Variants in ANO4 observed in about 807,000 individuals in gnomAD.
ANO4 encodes the protein anoctamin-4.
ANO4 carries 69 observed loss-of-function variants against 141.9 expected under a neutral mutation model. The ratio of observed to expected loss-of-function variants is 0.49; its 90% CI spans 0.40 to 0.59. ANO4 has a LOEUF of 0.59. Ranked by LOEUF, ANO4 falls within the 20% of genes least tolerant of loss-of-function variation. The pLI is 0.00. For missense variants in ANO4, 894 were observed against 1,162.2 expected (o/e 0.77, Z 3.36); for synonymous variants, 350 against 394.3 (o/e 0.89, Z 1.33).
At chr12:100,831,881 C>G (rs756968683) in intron 1 of ANO4, among the ~76,000 whole-genome samples, 1 of 152,024 alleles carries the variant, frequency 6.6e-6, no homozygotes, top group Non-Finnish European at 1.5e-5. Flanking sequence ...AAATTCCAGA[C>G]TCTTCTGATT....
At chr12:100,927,584 G>A (rs1402852408) in intron 3 of ANO4, among the ~76,000 whole-genome samples, 1 of 152,098 alleles carries the variant, frequency 6.6e-6, no homozygotes, top group Non-Finnish European at 1.5e-5. Flanking sequence ...CATGAATCAG[G>A]TGTATGTGTG....
intron 1 of ANO4, among the ~76,000 whole-genome samples, chr12:100,846,156 C>T (rs561605040): frequency 1.3e-5 from 2 of 152,290 alleles, no homozygotes; most frequent in South Asian, 4.2e-4. Context: ...ATAGAAATCC[C>T]TTGATCAGTG....
chr12:100,739,543 G>A (rs183367811), intron 2 of ANO4, among the ~76,000 whole-genome samples: 1 of 152,196 alleles, frequency 6.6e-6, no homozygotes, highest in East Asian at 1.9e-4. Flanking sequence ...GATCAGTTCT[G>A]CAGTTTCTAT....
intron 1 of ANO4, among the ~76,000 whole-genome samples, chr12:100,894,483 A>AGG (rs2040246215): frequency 6.6e-6 from 1 of 151,964 alleles, no homozygotes; most frequent in Non-Finnish European, 1.5e-5. Flanking sequence ...GCCCCTCCAA[A>AGG]CCTGTTTTCT....
intron 1 of ANO4, chr12:100,842,061 A>ACCCCCCCC: frequency 1.9e-5 from 1 of 51,308 alleles, no homozygotes; most frequent in Non-Finnish European, 3.8e-5. Flanking sequence ...GTAAATATCC[A>ACCCCCCCC]CCCCCCCCCC....
chr12:101,097,748 GC>G, intron 20 of ANO4, 40 bp downstream of exon 20: 1 of 1,610,204 alleles, frequency 6.2e-7, no homozygotes, highest in Non-Finnish European at 8.5e-7. Context: ...CGACAGACTT[GC>G]ATTAAACAGC....
intron 8 of ANO4, among the ~76,000 whole-genome samples, chr12:100,993,222 G>A (rs1197934296): frequency 1.3e-5 from 2 of 152,130 alleles, no homozygotes; most frequent in African/African-American, 4.8e-5. Flanking sequence ...AAACAGCCTA[G>A]CATTCCATTT....
chr12:100,885,195 A>C (rs1473639288), intron 1 of ANO4, among the ~76,000 whole-genome samples: 2 of 152,248 alleles, frequency 1.3e-5, no homozygotes, highest in African/African-American at 4.8e-5. Context: ...TTAAATCTGC[A>C]AAGTCCCTGT....
intron 1 of ANO4, among the ~76,000 whole-genome samples, chr12:100,803,065 C>T (rs768267660): frequency 1.8e-4 from 27 of 152,224 alleles, no homozygotes; most frequent in Non-Finnish European, 2.9e-4. Context: ...AAAAGTACTA[C>T]GGACATCAAA....
At chr12:100,740,665 G>A (rs1461822603) in intron 3 of ANO4, among the ~76,000 whole-genome samples, 1 of 152,004 alleles carries the variant, frequency 6.6e-6, no homozygotes, top group Non-Finnish European at 1.5e-5. Flanking sequence ...TCTATTTCAG[G>A]GGTCTGCAAA....
At chr12:101,080,900 T>TATATTATATATATATATATATATATACAC (rs1194122665) in intron 15 of ANO4, among the ~76,000 whole-genome samples, 26 of 131,028 alleles carry the variant, frequency 2.0e-4, no homozygotes, top group Admixed American at 1.3e-3. Context: ...TATATATATA[T>TATATTATATATATATATATATATATACAC]ACATACACAT....
chr12:100,858,584 T>C (rs1045535603), intron 1 of ANO4, among the ~76,000 whole-genome samples: 1 of 152,204 alleles, frequency 6.6e-6, no homozygotes, highest in Non-Finnish European at 1.5e-5. Context: ...CTTTTGCTTT[T>C]TAAAGATATT....
intron 2 of ANO4, among the ~76,000 whole-genome samples, chr12:100,738,372 C>A (rs969961619): frequency 6.6e-6 from 1 of 152,138 alleles, no homozygotes; most frequent in African/African-American, 2.4e-5. Flanking sequence ...TATTTATATT[C>A]CATCATAATT....
In ANO4 at chr12:100,988,872, G is replaced by GAAAAAAAAAAAAAAAAAAAAAA. The variant is rs748666892; in HGVS notation, c.734+1218_734+1219insAAAAAAAAAAAAAAAAAAAAAA. The stretch of plus-strand genomic sequence containing the variant: ...GGTGACAGAGTGAGACTCTGTCTCA[G>GAAAAAAAAAAAAAAAAAAAAAA]AAAAAAAAAAAAAAAAGAAAGAAAA... On this transcript the variant is annotated intron_variant, in intron 8 of 27. Coordinates refer to ENST00000392977, the MANE Select transcript of ANO4 (RefSeq NM_001286615.2). Among the ~76,000 whole-genome samples the GAAAAAAAAAAAAAAAAAAAAAA allele has an allele frequency of 1.1e-3, 74 of 64,952 alleles. 14 individuals are homozygous for GAAAAAAAAAAAAAAAAAAAAAA. Among genetic ancestry groups the GAAAAAAAAAAAAAAAAAAAAAA allele is most frequent in the Non-Finnish European group, 1.5e-3 (51 of 34,288 alleles). 42.6% of individuals were successfully genotyped at this position (64,952 alleles called of 152,430 possible). A position where few individuals can be genotyped will look rare whatever the true frequency, so the allele number is the denominator to read the frequency against.
intron 22 of ANO4, among the ~76,000 whole-genome samples, chr12:101,106,319 G>C (rs1480082811): frequency 6.6e-6 from 1 of 151,982 alleles, no homozygotes; most frequent in Non-Finnish European, 1.5e-5. Flanking sequence ...GAGAAAAAGT[G>C]ATATTTGAAG....
chr12:100,818,041 A>G (rs2035830781), intron 1 of ANO4, among the ~76,000 whole-genome samples: 1 of 151,696 alleles, frequency 6.6e-6, no homozygotes, highest in African/African-American at 2.4e-5. Context: ...CCTTATTATT[A>G]TTATTACTTA....
chr12:101,041,632 G>A (rs2047414634), intron 11 of ANO4, among the ~76,000 whole-genome samples: 1 of 152,092 alleles, frequency 6.6e-6, no homozygotes, highest in Non-Finnish European at 1.5e-5. Flanking sequence ...AATGGTCTCT[G>A]GCTCTGAAAA....
At chr12:101,104,510 T>C (rs1013839814) in intron 22 of ANO4, among the ~76,000 whole-genome samples, 1 of 150,594 alleles carries the variant, frequency 6.6e-6, no homozygotes, top group African/African-American at 2.4e-5. Context: ...TTTTGATATA[T>C]TGCTCTGTCA....
chr12:101,124,832 G>A (rs185094778), intron 26 of ANO4, among the ~76,000 whole-genome samples: 6 of 152,204 alleles, frequency 3.9e-5, no homozygotes, highest in Admixed American at 3.9e-4. Flanking sequence ...TGGTCTATGT[G>A]TCTGTTTTTG....
Sources: gnomAD v4.1 joint callset for allele counts (sites outside exome capture counted in the v4.1 genomes callset) on GRCh38, gnomAD v4.1.1 for gene constraint, MANE v1.5 for transcripts, NCBI Gene and HGNC (gene_info 2026-07-23, HGNC 2026-07-21) for gene names.